HIVEP3: variants seen among roughly 807,000 people sequenced by gnomAD.
HIVEP3 encodes HIVEP zinc finger 3, also known as transcription factor HIVEP3.
Under a neutral mutation model 152.8 loss-of-function variants are expected in HIVEP3, and 49 were observed. That is an observed-to-expected ratio of 0.32 (90% CI 0.26 to 0.41). The LOEUF (loss-of-function observed/expected upper bound fraction) is 0.41, where lower values mean the gene tolerates loss of function less well. Among genes scored for constraint, HIVEP3 ranks in the 10% least tolerant of loss-of-function variants. The pLI is 1.00. For synonymous variants in HIVEP3, 1,269 were observed against 1,289.0 expected, an observed-to-expected ratio of 0.98 and a Z score of 0.33; for missense variants, 2,790 against 3,103.3, an observed-to-expected ratio of 0.90 and a Z score of 2.40.
At chr1:41,515,550 C>T (rs1642577952) in intron 7 of HIVEP3, among the ~76,000 whole-genome samples, 1 of 152,190 alleles carries the variant, frequency 6.6e-6, no homozygotes, top group South Asian at 2.1e-4. Flanking sequence ...CCCTGCCCCT[C>T]ATTTACATAC....
intron 1 of HIVEP3, among the ~76,000 whole-genome samples, chr1:41,780,517 A>G (rs939029793): frequency 4.6e-5 from 7 of 151,964 alleles, no homozygotes; most frequent in Admixed American, 2.0e-4. Context: ...TGCCTGTCTT[A>G]AAGTGGCCAT....
intron 1 of HIVEP3, among the ~76,000 whole-genome samples, chr1:41,968,747 T>C (rs141998176): frequency 1.3e-5 from 2 of 152,150 alleles, no homozygotes; most frequent in East Asian, 1.9e-4. Context: ...GTTATTCAAA[T>C]AGAAACAGAG....
intron 1 of HIVEP3, among the ~76,000 whole-genome samples, chr1:41,799,455 CTT>C (rs1650172448): frequency 6.6e-6 from 1 of 152,212 alleles, no homozygotes. Context: ...ACTGCCAACT[CTT>C]TGAAATGTCC....
At chr1:42,029,227 T>C (rs1266658244) in intron 1 of HIVEP3, among the ~76,000 whole-genome samples, 1 of 152,188 alleles carries the variant, frequency 6.6e-6, no homozygotes, top group Non-Finnish European at 1.5e-5. Context: ...TAACCGGTAC[T>C]CTCAGTCCCC....
At chr1:41,602,290 AT>A (rs1049428817) in intron 3 of HIVEP3, among the ~76,000 whole-genome samples, 1 of 151,792 alleles carries the variant, frequency 6.6e-6, no homozygotes, top group Non-Finnish European at 1.5e-5. Flanking sequence ...CTCCTCTTCA[AT>A]TTTTTTTGGA....
chr1:41,799,919 G>C, intron 1 of HIVEP3, among the ~76,000 whole-genome samples: 1 of 152,052 alleles, frequency 6.6e-6, no homozygotes, highest in East Asian at 1.9e-4. Context: ...TGCTGACTCA[G>C]ATCCAGAGAG....
chr1:41,695,555 A>G (rs1398412210), intron 2 of HIVEP3, among the ~76,000 whole-genome samples: 1 of 152,194 alleles, frequency 6.6e-6, no homozygotes, highest in Non-Finnish European at 1.5e-5. Flanking sequence ...CAGGAGGTGA[A>G]TCACAAGGAA....
chr1:41,914,905 T>C (rs11210543), intron 1 of HIVEP3, among the ~76,000 whole-genome samples: 22,823 of 152,196 alleles, frequency 0.15, 1,844 homozygotes, highest in Admixed American at 0.24. Flanking sequence ...ACAAGACAGG[T>C]TGAGGTTCAT....
At chr1:41,698,760 C>G (rs1188592037) in intron 2 of HIVEP3, among the ~76,000 whole-genome samples, 1 of 152,200 alleles carries the variant, frequency 6.6e-6, no homozygotes, top group African/African-American at 2.4e-5. Flanking sequence ...CCACCCCCCA[C>G]AATGCTTCTG....
At chr1:41,706,543 A>G (rs1646436678) in intron 1 of HIVEP3, among the ~76,000 whole-genome samples, 1 of 152,226 alleles carries the variant, frequency 6.6e-6, no homozygotes, top group Non-Finnish European at 1.5e-5. Context: ...TGGCCTTCCA[A>G]AGTGCTGGGA....
rs983025576 is a variant in HIVEP3 at position 41,749,725 on chromosome 1, G to A, written c.-800-48730C>T. 2.8e-5 allele frequency among the ~76,000 whole-genome samples: 4 copies of A among 144,782 alleles called. 1 individual carries two copies. The East Asian group carries it at 8.1e-4, about 29-fold the overall frequency. 95.0% of individuals were successfully genotyped at this position (144,782 alleles called of 152,430 possible). A position where few individuals can be genotyped will look rare whatever the true frequency, so the allele number is the denominator to read the frequency against. Reference sequence around the variant, plus strand: ...TATGTGATCTTGGATAAGACATCTCGCTTTCTAGCCCCTGTTCTTCCCATC... The same window carrying A: ...TATGTGATCTTGGATAAGACATCTCACTTTCTAGCCCCTGTTCTTCCCATC... On this transcript the variant is annotated intron_variant, in intron 1 of 8. Coordinates refer to ENST00000372583, the MANE Select transcript of HIVEP3 (RefSeq NM_024503.5).
chr1:41,618,517 G>T (rs190395523), intron 3 of HIVEP3, among the ~76,000 whole-genome samples: 1 of 152,180 alleles, frequency 6.6e-6, no homozygotes, highest in African/African-American at 2.4e-5. Flanking sequence ...TGACAGCAGC[G>T]TCTGCCTGCC....
rs902961464 is a variant in HIVEP3 at position 41,508,351 on chromosome 1, C to T, written c.*2100G>A. The T allele has an allele frequency of 6.6e-6, 1 of 152,304 alleles. No homozygotes were observed. The highest frequency in any genetic ancestry group is 2.4e-5 in the African/African-American group (1 of 41,466). The allele number at this position is 152,304 out of a possible 1,614,324, so 9.4% of individuals were successfully genotyped here. A position where few individuals can be genotyped will look rare whatever the true frequency, so the allele number is the denominator to read the frequency against. On this transcript the variant is annotated 3_prime_UTR_variant, in exon 9 of 9. Transcript: ENST00000372583. ...AGGCAAGGATGAGAAAAGCCCTGGCCTCCTGGGACTTGGAGGAGTCACTTT... is the reference window on the plus strand; with the variant it reads ...AGGCAAGGATGAGAAAAGCCCTGGCTTCCTGGGACTTGGAGGAGTCACTTT...
intron 2 of HIVEP3, among the ~76,000 whole-genome samples, chr1:41,634,672 G>A (rs1570167019): frequency 6.6e-6 from 1 of 152,154 alleles, no homozygotes; most frequent in Admixed American, 6.5e-5. Flanking sequence ...AAAAGCAAAT[G>A]GTAACGAAAA....
chr1:41,527,505 TCACA>T (rs1295650526), intron 5 of HIVEP3, among the ~76,000 whole-genome samples: 2 of 34,066 alleles, frequency 5.9e-5, no homozygotes, highest in African/African-American at 8.7e-5. Context: ...TCACACACAC[TCACA>T]CACCCCCGCC....
chr1:41,669,656 C>T (rs1305422800), intron 2 of HIVEP3, among the ~76,000 whole-genome samples: 1 of 152,116 alleles, frequency 6.6e-6, no homozygotes, highest in African/African-American at 2.4e-5. Flanking sequence ...AACATCGGCT[C>T]TTCTTGGGTC....
At chr1:41,954,330 T>G (rs1393933514) in intron 1 of HIVEP3, among the ~76,000 whole-genome samples, 1 of 152,254 alleles carries the variant, frequency 6.6e-6, no homozygotes, top group African/African-American at 2.4e-5. Flanking sequence ...CTTTCTAGCA[T>G]GCATAAAAGG....
At chr1:41,600,942 A>T (rs1390688466) in intron 3 of HIVEP3, among the ~76,000 whole-genome samples, 1 of 152,126 alleles carries the variant, frequency 6.6e-6, no homozygotes, top group Admixed American at 6.5e-5. Context: ...ATTTTTATGT[A>T]AGATAAGAAT....
rs540280928 is a variant in HIVEP3 at position 41,574,295 on chromosome 1, C to G, written c.5207+1249G>C. On this transcript the variant is annotated intron_variant, in intron 5 of 8. Transcript: ENST00000372583. ...ACACGAGGGCGCTCTAACCAAACAG[C>G]AGGAGGACCCGCGTCCCTCCCCACA... 2.0e-5 allele frequency among the ~76,000 whole-genome samples: 3 copies of G among 152,292 alleles called. No individual in the cohort carries two copies. The South Asian group carries it at 6.2e-4, about 32-fold the overall frequency.
Sources: allele counts gnomAD v4.1 joint callset (sites outside exome capture counted in the v4.1 genomes callset), GRCh38; gene constraint gnomAD v4.1.1; transcripts MANE v1.5; gene names NCBI Gene and HGNC (gene_info 2026-07-23, HGNC 2026-07-21).